Variants in NAALADL2 observed in about 807,000 individuals in gnomAD.
NAALADL2 encodes N-acetylated alpha-linked acidic dipeptidase like 2.
NAALADL2 carries 76 observed loss-of-function variants against 87.2 expected under a neutral mutation model. That is an observed-to-expected ratio of 0.87 (90% CI 0.72 to 1.05). The LOEUF is 1.05. Among genes scored for constraint, NAALADL2 ranks in the 50% least tolerant of loss-of-function variants. NAALADL2 has a pLI of 0.00. For missense variants in NAALADL2, 1,089 were observed against 945.8 expected, an observed-to-expected ratio of 1.15 and a Z score of -1.99; for synonymous variants, 354 against 331.0, an observed-to-expected ratio of 1.07 and a Z score of -0.75.
chr3:175,185,957 A>G (rs948130206), intron 2 of NAALADL2, among the ~76,000 whole-genome samples: 5 of 151,854 alleles, frequency 3.3e-5, no homozygotes, highest in African/African-American at 1.2e-4. Flanking sequence ...AACATTCTAC[A>G]TTATATTTAT....
At chr3:175,206,960 A>G (rs1356213678) in intron 2 of NAALADL2, among the ~76,000 whole-genome samples, 1 of 152,160 alleles carries the variant, frequency 6.6e-6, no homozygotes, top group South Asian at 2.1e-4. Flanking sequence ...AAAGCAGTGC[A>G]TGCGAATATG....
At chr3:175,443,171 A>G (rs1720101143) in intron 5 of NAALADL2, among the ~76,000 whole-genome samples, 1 of 152,188 alleles carries the variant, frequency 6.6e-6, no homozygotes, top group Admixed American at 6.5e-5. Flanking sequence ...CTGTGTGTCA[A>G]ATTTCCATTA....
In NAALADL2 at chr3:175,698,504, A is replaced by ATATATATATATATATATATAT. The variant is rs1278192087; in HGVS notation, c.1897-38802_1897-38801insTATATATATATATATATATAT. On this transcript the variant is annotated intron_variant, in intron 11 of 13. Transcript: ENST00000454872. ...ATATTTATATATATATATATATATA[A>ATATATATATATATATATATAT]AATCTCCAAGCAAATTCCTATGTAC... 6.7e-4 allele frequency among the ~76,000 whole-genome samples: 58 copies of ATATATATATATATATATATAT among 86,980 alleles called. 1 individual carries two copies. Among genetic ancestry groups the ATATATATATATATATATATAT allele is most frequent in the African/African-American group, 1.3e-3 (21 of 16,188 alleles). The allele number at this position is 86,980 out of a possible 152,430, so 57.1% of individuals were successfully genotyped here. A position where few individuals can be genotyped will look rare whatever the true frequency, so the allele number is the denominator to read the frequency against.
intron 10 of NAALADL2, among the ~76,000 whole-genome samples, chr3:175,618,972 C>G (rs1560860168): frequency 6.6e-6 from 1 of 152,212 alleles, no homozygotes; most frequent in Non-Finnish European, 1.5e-5. Flanking sequence ...TAGCCTTCTA[C>G]TGTTGACTGC....
chr3:175,721,001 A>G (rs1742160600), intron 11 of NAALADL2, among the ~76,000 whole-genome samples: 1 of 152,148 alleles, frequency 6.6e-6, no homozygotes, highest in African/African-American at 2.4e-5. Context: ...AATGGTGAAG[A>G]TGTGAATAAG....
intron 3 of NAALADL2, among the ~76,000 whole-genome samples, chr3:174,814,840 G>A (rs1374780213): frequency 6.6e-6 from 1 of 152,088 alleles, no homozygotes; most frequent in Non-Finnish European, 1.5e-5. Flanking sequence ...AATTTATCCT[G>A]ACCCTTCGGT....
intron 1 of NAALADL2, among the ~76,000 whole-genome samples, chr3:175,023,120 G>T (rs970999396): frequency 1.3e-5 from 2 of 151,918 alleles, no homozygotes; most frequent in African/African-American, 2.4e-5. Flanking sequence ...TATTTTCAAG[G>T]TCTAAATAAA....
At chr3:175,743,907 T>G (rs1260818583) in intron 12 of NAALADL2, among the ~76,000 whole-genome samples, 1 of 152,168 alleles carries the variant, frequency 6.6e-6, no homozygotes. Flanking sequence ...ATATTGACAT[T>G]GTAAAGAATT....
chr3:175,710,838 A>G (rs1267759192), intron 11 of NAALADL2, among the ~76,000 whole-genome samples: 5 of 151,940 alleles, frequency 3.3e-5, no homozygotes, highest in African/African-American at 1.2e-4. Context: ...CACACTCTGT[A>G]TAGTACTCTC....
chr3:174,730,036 C>T (rs1421617458), intron 2 of NAALADL2, among the ~76,000 whole-genome samples: 1 of 151,938 alleles, frequency 6.6e-6, no homozygotes. Context: ...AGGTTTATAA[C>T]ATTTAGTCTA....
At chr3:175,598,731 G>A (rs1470793891) in intron 10 of NAALADL2, among the ~76,000 whole-genome samples, 1 of 152,062 alleles carries the variant, frequency 6.6e-6, no homozygotes, top group East Asian at 1.9e-4. Flanking sequence ...CACACTTGGA[G>A]CCTTTTCCGT....
intron 5 of NAALADL2, among the ~76,000 whole-genome samples, chr3:175,420,620 A>G (rs958278129): frequency 1.3e-5 from 2 of 152,072 alleles, no homozygotes; most frequent in Admixed American, 6.6e-5. Context: ...TCTTGAAAAG[A>G]TAATTGTTTA....
intron 3 of NAALADL2, among the ~76,000 whole-genome samples, chr3:175,237,765 A>G (rs1205491328): frequency 1.3e-5 from 2 of 152,118 alleles, no homozygotes; most frequent in African/African-American, 2.4e-5. Flanking sequence ...ATCTATAACA[A>G]TGGCCTTTTG....
intron 2 of NAALADL2, among the ~76,000 whole-genome samples, chr3:174,672,904 T>C (rs941688154): frequency 1.7e-5 from 1 of 59,056 alleles, no homozygotes; most frequent in Admixed American, 2.1e-4. Flanking sequence ...ATTATAAAGA[T>C]TGTGGCTTGT....
intron 13 of NAALADL2, among the ~76,000 whole-genome samples, chr3:175,778,330 TG>T (rs1229693670): frequency 2.0e-5 from 3 of 152,206 alleles, no homozygotes; most frequent in Admixed American, 6.5e-5. Context: ...AATTAGTTAA[TG>T]GCGTGGTCAA....
At chr3:174,992,848 T>C in intron 1 of NAALADL2, among the ~76,000 whole-genome samples, 1 of 152,290 alleles carries the variant, frequency 6.6e-6, no homozygotes, top group Middle Eastern at 3.4e-3. Flanking sequence ...CAGAGAAATA[T>C]ATTTTTAAAC....
chr3:175,681,825 G>A (rs1317388517), intron 11 of NAALADL2, among the ~76,000 whole-genome samples: 1 of 152,158 alleles, frequency 6.6e-6, no homozygotes, highest in Non-Finnish European at 1.5e-5. Context: ...GAAGACAGGG[G>A]CTGATGTAGA....
At chr3:175,534,068 A>T (rs990287558) in intron 9 of NAALADL2, among the ~76,000 whole-genome samples, 48 of 151,032 alleles carry the variant, frequency 3.2e-4, no homozygotes, top group East Asian at 7.8e-4. Context: ...TAATAAATAA[A>T]TTATTTATTA....
chr3:175,534,077 T>TTATAATAAATA (rs1200941933), intron 9 of NAALADL2, among the ~76,000 whole-genome samples: 1 of 151,412 alleles, frequency 6.6e-6, no homozygotes, highest in African/African-American at 2.4e-5. Context: ...AATTATTTAT[T>TTATAATAAATA]ATGCCAAGGA....
Sources: allele counts gnomAD v4.1 joint callset (sites outside exome capture counted in the v4.1 genomes callset), GRCh38; gene constraint gnomAD v4.1.1; transcripts MANE v1.5; gene names NCBI Gene and HGNC (gene_info 2026-07-23, HGNC 2026-07-21).